The following PHLDB2 variants were observed in gnomAD, a reference collection of about 807,000 sequenced individuals.
PHLDB2 encodes the protein pleckstrin homology like domain family B member 2.
PHLDB2 carries 71 observed loss-of-function variants against 123.6 expected under a neutral mutation model. That is an observed-to-expected ratio of 0.57 (90% CI 0.47 to 0.70). The LOEUF is 0.70. PHLDB2 is among the 30% of genes least tolerant of loss of function. PHLDB2 has a pLI of 0.00. For synonymous variants in PHLDB2, 547 were observed against 541.6 expected, an observed-to-expected ratio of 1.01 and a Z score of -0.14; for missense variants, 1,446 against 1,519.5, an observed-to-expected ratio of 0.95 and a Z score of 0.80.
chr3:111,757,792 G>A (rs1284399538), intron 1 of PHLDB2, among the ~76,000 whole-genome samples: 1 of 152,214 alleles, frequency 6.6e-6, no homozygotes, highest in African/African-American at 2.4e-5. Context: ...CCTTCTAACA[G>A]ACAGGTTAAC....
At chr3:111,838,009 T>G (rs1559860736) in intron 1 of PHLDB2, among the ~76,000 whole-genome samples, 1 of 151,508 alleles carries the variant, frequency 6.6e-6, no homozygotes, top group Non-Finnish European at 1.5e-5. Flanking sequence ...CCCACCGCAC[T>G]CCAGCCTGGG....
intron 1 of PHLDB2, among the ~76,000 whole-genome samples, chr3:111,869,400 T>G (rs1385312672): frequency 1.3e-5 from 2 of 152,140 alleles, no homozygotes; most frequent in Admixed American, 6.5e-5. Flanking sequence ...CTTTCCCTAA[T>G]GGTCTTCCTT....
chr3:111,811,762 ACATTCCTGACCTAT>A (rs1403577427), intron 1 of PHLDB2, among the ~76,000 whole-genome samples: 1 of 152,204 alleles, frequency 6.6e-6, no homozygotes, highest in Non-Finnish European at 1.5e-5. Context: ...TATTAGGCCT[ACATTCCTGACCTAT>A]CTGCCAAAGA....
intron 2 of PHLDB2, among the ~76,000 whole-genome samples, chr3:111,907,675 T>C (rs2067630141): frequency 6.6e-6 from 1 of 152,142 alleles, no homozygotes; most frequent in Admixed American, 6.5e-5. Flanking sequence ...TTTGTATTTT[T>C]AGTAGATACA....
At chr3:111,923,599 C>A (rs540841328) in intron 5 of PHLDB2, among the ~76,000 whole-genome samples, 1 of 152,166 alleles carries the variant, frequency 6.6e-6, no homozygotes, top group Non-Finnish European at 1.5e-5. Flanking sequence ...TGAACACACC[C>A]ATAACTGAAC....
At chr3:111,839,889 G>GT (rs2063594902) in intron 1 of PHLDB2, among the ~76,000 whole-genome samples, 1 of 116,826 alleles carries the variant, frequency 8.6e-6, no homozygotes, top group Non-Finnish European at 1.8e-5. Context: ...TTTCTTGAGT[G>GT]TTTTTATCAG....
chr3:111,809,985 C>T (rs1237986065), intron 1 of PHLDB2, among the ~76,000 whole-genome samples: 1 of 152,186 alleles, frequency 6.6e-6, no homozygotes, highest in African/African-American at 2.4e-5. Context: ...CATCACTGCA[C>T]CCAGGTAATT....
chr3:111,788,352 G>A (rs942109972), intron 1 of PHLDB2, among the ~76,000 whole-genome samples: 1 of 152,168 alleles, frequency 6.6e-6, no homozygotes, highest in Non-Finnish European at 1.5e-5. Context: ...ATTCACCCAG[G>A]TCAGAAGTAG....
chr3:111,819,757 G>A (rs2062278601), intron 1 of PHLDB2, among the ~76,000 whole-genome samples: 1 of 151,920 alleles, frequency 6.6e-6, no homozygotes, highest in African/African-American at 2.4e-5. Flanking sequence ...TTGCTTATTT[G>A]TCCTTTAGAA....
chr3:111,879,505 G>A (rs1245661825), intron 1 of PHLDB2, among the ~76,000 whole-genome samples: 1 of 152,146 alleles, frequency 6.6e-6, no homozygotes, highest in African/African-American at 2.4e-5. Flanking sequence ...AGGAGGAAGA[G>A]GAGGAGCTGG....
chr3:111,872,409 T>C (rs548695837), intron 1 of PHLDB2, among the ~76,000 whole-genome samples: 1 of 152,236 alleles, frequency 6.6e-6, no homozygotes, highest in South Asian at 2.1e-4. Context: ...CAGACCTCCC[T>C]TCCCCACTTC....
Position 111,745,973 on chromosome 3 carries a change from C to T in PHLDB2, c.-49+13270C>T, listed in dbSNP as rs924999421. Reference sequence around the variant, plus strand: ...TGAGAGCACGAAGAAGCAGGAACAACATTTTTCAGAGTGCTTACCCCACAT... The same window carrying T: ...TGAGAGCACGAAGAAGCAGGAACAATATTTTTCAGAGTGCTTACCCCACAT... On this transcript the variant is annotated intron_variant, in intron 1 of 17. Coordinates refer to the PHLDB2 transcript ENST00000393923. Among the ~76,000 whole-genome samples the T allele has an allele frequency of 3.9e-5, 6 of 152,272 alleles. No homozygotes were observed. In the South Asian group the frequency reaches 8.3e-4, roughly 21 times the overall value.
At chr3:111,768,251 G>A (rs554861925) in intron 1 of PHLDB2, among the ~76,000 whole-genome samples, 7 of 152,282 alleles carry the variant, frequency 4.6e-5, no homozygotes, top group African/African-American at 1.7e-4. Flanking sequence ...CCAGAATGAG[G>A]AAGTGGTGGT....
chr3:111,976,127 C>G lies in PHLDB2; in HGVS notation c.*1564C>G, dbSNP rs576840713. 6.5e-6 allele frequency: 1 copy of G among 152,716 alleles called. No homozygotes were observed. 9.5% of individuals were successfully genotyped at this position (152,716 alleles called of 1,614,324 possible). On this transcript the variant is annotated 3_prime_UTR_variant, in exon 18 of 18. Transcript: ENST00000431670. ...TTTGTTGGTTAATGTAAAGATATGACTTTTCTGCACTGTACTCTCTTCATA... is the reference window on the plus strand; with the variant it reads ...TTTGTTGGTTAATGTAAAGATATGAGTTTTCTGCACTGTACTCTCTTCATA...
intron 1 of PHLDB2, among the ~76,000 whole-genome samples, chr3:111,839,575 A>T (rs1254873950): frequency 6.6e-6 from 1 of 152,106 alleles, no homozygotes. Flanking sequence ...TTTATCATTG[A>T]TTTTCTCAGA....
At chr3:111,792,671 C>A (rs2060979841) in intron 1 of PHLDB2, among the ~76,000 whole-genome samples, 1 of 152,136 alleles carries the variant, frequency 6.6e-6, no homozygotes, top group South Asian at 2.1e-4. Context: ...CACGCCACTA[C>A]ACTCCATCCG....
rs575409620 is a variant in PHLDB2, at chr3:111,885,291, C to T, written c.1214C>T (p.Pro405Leu). The stretch of plus-strand genomic sequence containing the variant: ...AGCCTCAGACAGGCCTCAGGAACCC[C>T]CCAGCCTGCCCTTCGGGAACGGAAA... ...LESLRQASGTPQPALRERKSS... is the reference protein window; with the variant it reads ...LESLRQASGTLQPALRERKSS... Residue 405 changes from proline to leucine, a missense_variant, in exon 2 of 18, where the codon CCC (proline) becomes CTC (leucine). By Grantham distance (98) the Pro-to-Leu change is moderately conservative (BLOSUM62 -3). This residue lies in a region of PHLDB2 where 832 missense variants were observed against 831.9 expected (regional missense o/e 1.00). Transcript: ENST00000431670. 1 of 1,614,042 alleles carries T rather than the reference C, an allele frequency of 6.2e-7. No individual in the cohort carries two copies. Among genetic ancestry groups the T allele is most frequent in the Non-Finnish European group, 8.5e-7 (1 of 1,180,028 alleles).
chr3:111,848,670 G>A (rs2064119414), intron 2 of PHLDB2, among the ~76,000 whole-genome samples: 2 of 152,214 alleles, frequency 1.3e-5, no homozygotes, highest in African/African-American at 4.8e-5. Flanking sequence ...ACTGCATAAT[G>A]TTTCAATCAA....
intron 1 of PHLDB2, among the ~76,000 whole-genome samples, chr3:111,872,367 C>T (rs1014664779): frequency 7.2e-5 from 11 of 152,176 alleles, no homozygotes; most frequent in African/African-American, 2.4e-4. Context: ...ACTTTGGCAT[C>T]TTCTTTGCCT....
Sources: allele counts gnomAD v4.1 joint callset (sites outside exome capture counted in the v4.1 genomes callset), GRCh38; gene constraint gnomAD v4.1.1; regional missense constraint gnomAD v4.1.1; transcripts MANE v1.5; gene names NCBI Gene and HGNC (gene_info 2026-07-23, HGNC 2026-07-21).